The following ITM2B variants were observed in gnomAD, a reference collection of about 807,000 sequenced individuals.
ITM2B encodes the protein integral membrane protein 2B.
Under a neutral mutation model 27.8 loss-of-function variants are expected in ITM2B, and 11 were observed. The ratio of observed to expected loss-of-function variants is 0.40; its 90% CI spans 0.25 to 0.66. The LOEUF (loss-of-function observed/expected upper bound fraction) is 0.66. Among genes scored for constraint, ITM2B ranks in the 30% least tolerant of loss-of-function variants. ITM2B has a pLI of 0.43. For missense variants in ITM2B, 296 were observed against 328.9 expected, an observed-to-expected ratio of 0.90 and a Z score of 0.77; for synonymous variants, 114 against 114.3, an observed-to-expected ratio of 1.00 and a Z score of 0.02.
At chr13:48,248,103 T>C (rs1265221361) in intron 1 of ITM2B, among the ~76,000 whole-genome samples, 3 of 152,186 alleles carry the variant, frequency 2.0e-5, no homozygotes, top group Non-Finnish European at 4.4e-5. Context: ...TTTTTAAAAT[T>C]ATGAAATATT....
chr13:48,237,504 T>TTCCCAACTAGACAGA (rs1300074656), intron 1 of ITM2B, among the ~76,000 whole-genome samples: 1 of 152,200 alleles, frequency 6.6e-6, no homozygotes, highest in Admixed American at 6.5e-5. Context: ...GAAATGAGTA[T>TTCCCAACTAGACAGA]AATATACTTG....
At chr13:48,247,878 A>G (rs1951732718) in intron 1 of ITM2B, among the ~76,000 whole-genome samples, 2 of 152,290 alleles carry the variant, frequency 1.3e-5, no homozygotes, top group South Asian at 2.1e-4. Context: ...GTCTTCTTTT[A>G]TAAACTGGGC....
chr13:48,263,601 A>G lies in ITM2B; in HGVS notation c.*2377A>G, dbSNP rs1388243448. The G allele has an allele frequency of 1.3e-5, 2 of 152,128 alleles. No individual in the cohort carries two copies. Among genetic ancestry groups the G allele is most frequent in the Non-Finnish European group, 1.5e-5 (1 of 68,022 alleles). The allele number at this position is 152,128 out of a possible 1,614,324, so 9.4% of individuals were successfully genotyped here. A position where few individuals can be genotyped will look rare whatever the true frequency, so the allele number is the denominator to read the frequency against. ...TCTGTCTTAGTCCATTCGGGCTACT[A>G]TAACAAAATACCATAGACTGAGTGG... On this transcript the variant is annotated 3_prime_UTR_variant, in exon 6 of 6. Coordinates refer to ENST00000647800, the MANE Select transcript of ITM2B (RefSeq NM_021999.5).
intron 1 of ITM2B, among the ~76,000 whole-genome samples, chr13:48,248,277 A>C (rs1049656528): frequency 2.6e-5 from 4 of 152,038 alleles, no homozygotes; most frequent in Admixed American, 2.6e-4. Context: ...TCTAAAAATC[A>C]GCAGTGCTAG....
At chr13:48,241,487 C>G (rs920939261) in intron 1 of ITM2B, among the ~76,000 whole-genome samples, 4 of 152,200 alleles carry the variant, frequency 2.6e-5, no homozygotes. Context: ...GCTGGGATTA[C>G]AGGCTGAGCC....
chr13:48,255,837 G>A (rs7318012), intron 2 of ITM2B, among the ~76,000 whole-genome samples: 7,879 of 152,184 alleles, frequency 0.052, 431 homozygotes, highest in African/African-American at 0.13. Context: ...GTTTTGGAAT[G>A]TATTCTTCTA....
At position 48,263,915 on chromosome 13, in the gene ITM2B, A is replaced by T. The variant is rs1951836305; in HGVS notation, c.*2691A>T. 1 of 152,154 alleles carries T rather than the reference A, an allele frequency of 6.6e-6. No homozygotes were observed. Among genetic ancestry groups the T allele is most frequent in the Admixed American group, 6.6e-5 (1 of 15,260 alleles). The allele number at this position is 152,154 out of a possible 1,614,324, so 9.4% of individuals were successfully genotyped here. ...ATTCTGGGGGGACACAAACATTCAA[A>T]CCATAGCAAGTTCCATAATGCACCC... On this transcript the variant is annotated 3_prime_UTR_variant, in exon 6 of 6. Transcript: ENST00000647800.
intron 1 of ITM2B, among the ~76,000 whole-genome samples, chr13:48,241,004 A>T (rs763475161): frequency 6.6e-6 from 1 of 152,164 alleles, no homozygotes; most frequent in African/African-American, 2.4e-5. Context: ...TTAGCTTCTT[A>T]TGGTCTTTTA....
chr13:48,258,487 C>T (rs117846423), intron 4 of ITM2B, among the ~76,000 whole-genome samples: 1 of 152,150 alleles, frequency 6.6e-6, no homozygotes, highest in Non-Finnish European at 1.5e-5. Flanking sequence ...AATTCTGGTG[C>T]CATAGACAAT....
chr13:48,254,364 A>G (rs761736546), intron 2 of ITM2B, among the ~76,000 whole-genome samples: 9 of 152,222 alleles, frequency 5.9e-5, no homozygotes, highest in Non-Finnish European at 1.3e-4. Context: ...CCCAGAATAC[A>G]GTAAGACCAT....
In ITM2B at chr13:48,268,210, T is replaced by C. The variant is rs573749476; in HGVS notation, c.*6986T>C. ...AACGTTTTGACATTTGTCCATGTTG[T>C]TGCATGACTCAGCAGTTCTTTCTTT... On this transcript the variant is annotated 3_prime_UTR_variant, in exon 6 of 6. Coordinates refer to ENST00000647800, the MANE Select transcript of ITM2B (RefSeq NM_021999.5). 1 of 152,206 alleles carries C rather than the reference T, an allele frequency of 6.6e-6. No individual in the cohort carries two copies. The highest frequency in any genetic ancestry group is 1.9e-4 in the East Asian group (1 of 5,202). The allele number at this position is 152,206 out of a possible 1,614,324, so 9.4% of individuals were successfully genotyped here. A position where few individuals can be genotyped will look rare whatever the true frequency, so the allele number is the denominator to read the frequency against.
At chr13:48,260,221 G>C (rs1396506398) in intron 5 of ITM2B, among the ~76,000 whole-genome samples, 1 of 152,112 alleles carries the variant, frequency 6.6e-6, no homozygotes, top group African/African-American at 2.4e-5. Context: ...GTGCATATGT[G>C]CCACATTTTC....
intron 1 of ITM2B, among the ~76,000 whole-genome samples, chr13:48,250,756 TAGAG>T (rs1163556977): frequency 6.6e-6 from 1 of 152,086 alleles, no homozygotes; most frequent in African/African-American, 2.4e-5. Context: ...TATAGCCTAG[TAGAG>T]AGAGATAAGA....
chr13:48,261,458 A>G lies in ITM2B; in HGVS notation c.*234A>G. On this transcript the variant is annotated 3_prime_UTR_variant, in exon 6 of 6. Transcript: ENST00000647800. ...ACTGTATGAAGTCATAGATAATAGT[A>G]CATGTCACCTTAGGTAGTAGGAAGA... 1 of 398,156 alleles carries G rather than the reference A, an allele frequency of 2.5e-6. No homozygotes were observed. Among genetic ancestry groups the G allele is most frequent in the South Asian group, 4.0e-5 (1 of 25,104 alleles). 24.7% of individuals were successfully genotyped at this position (398,156 alleles called of 1,614,324 possible).
chr13:48,244,128 A>G (rs1951713496), intron 1 of ITM2B, among the ~76,000 whole-genome samples: 1 of 152,190 alleles, frequency 6.6e-6, no homozygotes, highest in African/African-American at 2.4e-5. Flanking sequence ...TCTATTCCTG[A>G]GAACTGTATT....
Position 48,267,789 on chromosome 13 carries a change from T to C in ITM2B, c.*6565T>C, listed in dbSNP as rs750300174. On this transcript the variant is annotated 3_prime_UTR_variant, in exon 6 of 6. Transcript: ENST00000647800. ...TTTGCTTCCCTTTTGCCTTGGTTGCTGGGAAACTCAGAGCCAAACTCGGTG... is the reference window on the plus strand; with the variant it reads ...TTTGCTTCCCTTTTGCCTTGGTTGCCGGGAAACTCAGAGCCAAACTCGGTG... The C allele has an allele frequency of 1.3e-5, 2 of 152,234 alleles. No individual in the cohort carries two copies. The highest frequency in any genetic ancestry group is 2.9e-5 in the Non-Finnish European group (2 of 68,040). The allele number at this position is 152,234 out of a possible 1,614,324, so 9.4% of individuals were successfully genotyped here.
At chr13:48,249,485 T>C (rs1156843185) in intron 1 of ITM2B, among the ~76,000 whole-genome samples, 1 of 152,220 alleles carries the variant, frequency 6.6e-6, no homozygotes, top group African/African-American at 2.4e-5. Flanking sequence ...ATTATTGATC[T>C]TTAAAAATCT....
intron 1 of ITM2B, among the ~76,000 whole-genome samples, chr13:48,237,682 C>G (rs1951676471): frequency 6.6e-6 from 1 of 152,168 alleles, no homozygotes; most frequent in South Asian, 2.1e-4. Context: ...ATTTCCAAAT[C>G]TTGACTTGTG....
At chr13:48,258,293 C>A in intron 4 of ITM2B, 57 bp downstream of exon 4, 2 of 931,266 alleles carry the variant, frequency 2.1e-6, no homozygotes, top group Admixed American at 1.7e-5. Flanking sequence ...TCTGGAATTC[C>A]CTGTTGAGAA....
Sources: allele counts gnomAD v4.1 joint callset (sites outside exome capture counted in the v4.1 genomes callset), GRCh38; gene constraint gnomAD v4.1.1; transcripts MANE v1.5; gene names NCBI Gene and HGNC (gene_info 2026-07-23, HGNC 2026-07-21).